Variants in KLHL8 observed in about 807,000 individuals in gnomAD.
KLHL8 encodes the protein kelch like family member 8.
KLHL8 carries 38 observed loss-of-function variants against 63.5 expected under a neutral mutation model. The observed-to-expected ratio is 0.60, with a 90% CI of 0.46 to 0.78. KLHL8 has a LOEUF of 0.78. Ranked by LOEUF, KLHL8 falls within the 30% of genes least tolerant of loss-of-function variation. KLHL8 has a pLI of 0.00. For missense variants in KLHL8, 566 were observed against 752.4 expected, an observed-to-expected ratio of 0.75 and a Z score of 2.90; for synonymous variants, 224 against 254.3, an observed-to-expected ratio of 0.88 and a Z score of 1.13.
At position 87,167,362 on chromosome 4, in the gene KLHL8, A is replaced by G. The variant is rs989871041; in HGVS notation, c.1537+2717T>C. On this transcript the variant is annotated intron_variant, in intron 8 of 9. Transcript: ENST00000273963. ...GGAAAACATTTATAAAGAGCCATCT[A>G]CAGATATGGTTTTATTCATCCTGGT... The G allele has an allele frequency of 1.8e-5, 8 of 440,062 alleles. No homozygotes were observed. In the East Asian group the frequency reaches 4.4e-4, roughly 24 times the overall value. The allele number at this position is 440,062 out of a possible 1,614,324, so 27.3% of individuals were successfully genotyped here.
At chr4:87,220,685 C>G (rs1047419889), upstream of KLHL8, 2 of 151,840 alleles carry the variant, frequency 1.3e-5, no homozygotes, top group Admixed American at 1.3e-4. Context: ...GGGACCTCCT[C>G]CCCGAGGCCA....
At chr4:87,218,787 C>T (rs1016299127) in intron 1 of KLHL8, among the ~76,000 whole-genome samples, 2 of 152,008 alleles carry the variant, frequency 1.3e-5, no homozygotes, top group East Asian at 3.9e-4. Context: ...CAGGCTGGAG[C>T]GCAGTGGCAT....
intron 4 of KLHL8, among the ~76,000 whole-genome samples, chr4:87,181,966 C>T (rs1373630467): frequency 1.3e-5 from 2 of 152,096 alleles, no homozygotes; most frequent in East Asian, 1.9e-4. Flanking sequence ...CGATGACTCA[C>T]GCCTGTAATC....
At chr4:87,207,164 A>G in intron 1 of KLHL8, 3 of 566,932 alleles carry the variant, frequency 5.3e-6, no homozygotes, top group Admixed American at 3.9e-5. Context: ...TAACTCTGGA[A>G]AAGTGGATAT....
chr4:87,169,856 C>G (rs184348302), intron 8 of KLHL8, among the ~76,000 whole-genome samples: 45 of 106,186 alleles, frequency 4.2e-4, no homozygotes, highest in Middle Eastern at 4.4e-3. Context: ...CAGAAAGACA[C>G]TGTCTCCCTC....
Position 87,164,001 on chromosome 4 carries a change from G to A in KLHL8, c.1616C>T (p.Ala539Val). ...CACTCCACCTCTGGGAGTAGTAAGT[G>A]CTGCCACATAATCCCACTTGTTGCT... Reference protein sequence around the residue: ...PRSNKWDYVAALTTPRGGVGI... With the variant: ...PRSNKWDYVAVLTTPRGGVGI... Residue 539 changes from alanine (A) to valine (V), a missense_variant, in exon 9 of 10, where the codon GCA becomes GTA. Transcript: ENST00000273963. 1 of 1,614,144 alleles carries A rather than the reference G, an allele frequency of 6.2e-7. No individual in the cohort carries two copies.
chr4:87,240,174 A>T (rs1011786676), intron 1 of KLHL8: 3 of 152,190 alleles, frequency 2.0e-5, no homozygotes, highest in African/African-American at 7.2e-5. Context: ...TAGACAAAAA[A>T]GTTTCTGTCT....
intron 5 of KLHL8, among the ~76,000 whole-genome samples, chr4:87,177,546 T>C (rs901810588): frequency 2.0e-5 from 3 of 151,394 alleles, no homozygotes; most frequent in African/African-American, 7.3e-5. Context: ...ACTATATATA[T>C]ATATATAAAC....
intron 1 of KLHL8, among the ~76,000 whole-genome samples, chr4:87,227,491 A>C (rs1733053245): frequency 6.6e-6 from 1 of 152,142 alleles, no homozygotes; most frequent in Non-Finnish European, 1.5e-5. Flanking sequence ...ATTAAAAAGA[A>C]AGAAAAAAAT....
At chr4:87,214,459 T>TATAA (rs1191224013) in intron 1 of KLHL8, among the ~76,000 whole-genome samples, 7 of 129,054 alleles carry the variant, frequency 5.4e-5, no homozygotes, top group Admixed American at 8.1e-5. Context: ...TATATATATA[T>TATAA]AATTGTCATC....
intron 8 of KLHL8, among the ~76,000 whole-genome samples, chr4:87,168,396 A>T (rs1353925267): frequency 3.3e-5 from 5 of 152,192 alleles, no homozygotes; most frequent in Non-Finnish European, 7.3e-5. Flanking sequence ...TGGCCTTAAC[A>T]GACAGACAAG....
chr4:87,200,423 T>G (rs535055784), intron 1 of KLHL8, among the ~76,000 whole-genome samples: 1 of 152,350 alleles, frequency 6.6e-6, no homozygotes, highest in East Asian at 1.9e-4. Context: ...GTAAATGCTA[T>G]GTAAATAGTT....
At position 87,163,863 on chromosome 4, in the gene KLHL8, C is replaced by T; in HGVS notation, c.1739+15G>A. ...CAGAAGATAATATAAAGCACGGAGA[C>T]AACATGTAAATTACCTATTCAGCAC... On this transcript the variant is annotated intron_variant, in intron 9 of 9. Coordinates refer to ENST00000273963, the MANE Select transcript of KLHL8 (RefSeq NM_020803.5). 1.2e-6 allele frequency: 2 copies of T among 1,610,308 alleles called. No individual in the cohort carries two copies. The highest frequency in any genetic ancestry group is 8.5e-7 in the Non-Finnish European group (1 of 1,176,848).
intron 1 of KLHL8, among the ~76,000 whole-genome samples, chr4:87,231,706 C>T (rs760928189): frequency 6.6e-6 from 1 of 152,138 alleles, no homozygotes; most frequent in Non-Finnish European, 1.5e-5. Context: ...AAGCGATTCT[C>T]CTGCCTCAGC....
intron 1 of KLHL8, chr4:87,208,105 C>T: frequency 2.0e-6 from 1 of 508,564 alleles, no homozygotes; most frequent in East Asian, 4.7e-5. Context: ...CACCAGACCA[C>T]CAGCCCCAGA....
chr4:87,173,729 T>G (rs1390708311), intron 6 of KLHL8, among the ~76,000 whole-genome samples: 1 of 152,212 alleles, frequency 6.6e-6, no homozygotes, highest in African/African-American at 2.4e-5. Context: ...GAAGTTTCAT[T>G]CAATCTTTGG....
At chr4:87,167,541 G>A in intron 8 of KLHL8, 1 of 541,536 alleles carries the variant, frequency 1.8e-6, no homozygotes, top group Middle Eastern at 5.5e-4. Context: ...GAACTCGAAT[G>A]GCCTTGTCTT....
At position 87,160,574 on chromosome 4, in the gene KLHL8, G is replaced by A. The variant is rs930568615; in HGVS notation, c.*2945C>T. 4 of 152,188 alleles carry A rather than the reference G, an allele frequency of 2.6e-5. No individual in the cohort carries two copies. The highest frequency in any genetic ancestry group is 9.7e-5 in the African/African-American group (4 of 41,446). The allele number at this position is 152,188 out of a possible 1,614,324, so 9.4% of individuals were successfully genotyped here. A position where few individuals can be genotyped will look rare whatever the true frequency, so the allele number is the denominator to read the frequency against. ...AAAAGAATGAATAAAATACTCCTTA[G>A]AGGGAGTACAAAGTTTATTCAAACA... is the stretch of plus-strand genomic sequence containing the variant. On this transcript the variant is annotated 3_prime_UTR_variant, in exon 10 of 10. Coordinates refer to ENST00000273963, the MANE Select transcript of KLHL8 (RefSeq NM_020803.5).
intron 7 of KLHL8, 59 bp from the exon 8 acceptor site, chr4:87,170,297 T>G: frequency 1.3e-6 from 2 of 1,531,104 alleles, no homozygotes; most frequent in Non-Finnish European, 1.8e-6. Flanking sequence ...TATATTGTTT[T>G]AATGGTAAAT....
Sources: allele counts gnomAD v4.1 joint callset (sites outside exome capture counted in the v4.1 genomes callset), GRCh38; gene constraint gnomAD v4.1.1; transcripts MANE v1.5; gene names NCBI Gene and HGNC (gene_info 2026-07-23, HGNC 2026-07-21).